LRP1B: variants seen among roughly 807,000 people sequenced by gnomAD.
LRP1B encodes low-density lipoprotein receptor-related protein 1B.
A neutral mutation model predicts 556.6 loss-of-function variants in LRP1B; 217 were observed. The ratio of observed to expected loss-of-function variants is 0.39; its 90% confidence interval spans 0.35 to 0.44. LRP1B has a LOEUF of 0.44. LRP1B is among the 20% of genes least tolerant of loss of function. The pLI is 1.00. For synonymous variants in LRP1B, 2,047 were observed against 1,865.8 expected (o/e 1.10, Z -2.50); for missense variants, 5,053 against 5,620.8 (o/e 0.90, Z 3.23).
chr2:141,112,075 A>T (rs201589203), intron 7 of LRP1B, among the ~76,000 whole-genome samples: 9 of 137,174 alleles, frequency 6.6e-5, no homozygotes, highest in East Asian at 2.2e-4. Context: ...AATAAATAAT[A>T]AATAAATAAA....
rs373203641 is a variant in LRP1B, at chr2:140,493,050, C to T, written c.9035-357G>A. Among the ~76,000 whole-genome samples the T allele has an allele frequency of 5.9e-5, 9 of 152,210 alleles. No homozygotes were observed. The East Asian group carries it at 9.7e-4, about 16-fold the overall frequency. On this transcript the variant is annotated intron_variant, in intron 56 of 90. Transcript: ENST00000389484. ...TCACCTCTCTTAGAAACCTACAGTACAGCTAAAACATTCTTATGATCAGAA... is the reference window on the plus strand; with the variant it reads ...TCACCTCTCTTAGAAACCTACAGTATAGCTAAAACATTCTTATGATCAGAA...
intron 3 of LRP1B, among the ~76,000 whole-genome samples, chr2:141,475,972 C>A (rs1297122681): frequency 6.6e-6 from 1 of 152,142 alleles, no homozygotes; most frequent in Non-Finnish European, 1.5e-5. Flanking sequence ...AAGAGGGCAC[C>A]CAGCTGGTTA....
chr2:141,759,859 T>G (rs1376578687), intron 2 of LRP1B, among the ~76,000 whole-genome samples: 1 of 152,104 alleles, frequency 6.6e-6, no homozygotes, highest in Non-Finnish European at 1.5e-5. Flanking sequence ...TACTTGAATA[T>G]TGGCGAGGCA....
chr2:141,665,446 T>A (rs970540419), intron 2 of LRP1B, among the ~76,000 whole-genome samples: 16 of 152,218 alleles, frequency 1.1e-4, no homozygotes, highest in African/African-American at 3.4e-4. Flanking sequence ...CTGGTGAGTC[T>A]GTGGAGAAGT....
At chr2:141,043,671 T>A (rs1698774906) in intron 11 of LRP1B, among the ~76,000 whole-genome samples, 1 of 151,982 alleles carries the variant, frequency 6.6e-6, no homozygotes, top group Non-Finnish European at 1.5e-5. Flanking sequence ...AATATCTGCA[T>A]TTGAGTAGAA....
chr2:140,919,862 G>A (rs1197475470), intron 21 of LRP1B, among the ~76,000 whole-genome samples: 6 of 152,028 alleles, frequency 3.9e-5, no homozygotes, highest in Non-Finnish European at 8.8e-5. Context: ...TTGTTTTAAT[G>A]ACATTAGAAT....
intron 2 of LRP1B, among the ~76,000 whole-genome samples, chr2:141,706,984 T>C (rs1692166172): frequency 6.6e-6 from 1 of 152,120 alleles, no homozygotes; most frequent in Admixed American, 6.6e-5. Context: ...TTTATTCCTC[T>C]ATCTCCTTAT....
At chr2:141,745,663 G>A (rs1018314492) in intron 2 of LRP1B, among the ~76,000 whole-genome samples, 1 of 151,652 alleles carries the variant, frequency 6.6e-6, no homozygotes, top group Non-Finnish European at 1.5e-5. Flanking sequence ...ATCCTGCTTG[G>A]TGCCCTCCCC....
chr2:140,319,095 C>T (rs1413942935), intron 82 of LRP1B, among the ~76,000 whole-genome samples: 2 of 151,980 alleles, frequency 1.3e-5, no homozygotes, highest in East Asian at 1.9e-4. Flanking sequence ...TAGGTCATGT[C>T]CTTGCAGGGT....
At chr2:141,187,093 C>A in intron 7 of LRP1B, among the ~76,000 whole-genome samples, 1 of 152,074 alleles carries the variant, frequency 6.6e-6, no homozygotes, top group East Asian at 1.9e-4. Context: ...ATTTCCAATT[C>A]TTTCTTACTG....
rs531982508 is a variant in LRP1B at position 141,389,736 on chromosome 2, C to T, written c.343+90660G>A. Among the ~76,000 whole-genome samples, 19 of 152,182 alleles carry T rather than the reference C, an allele frequency of 1.2e-4. No homozygotes were observed. The East Asian group carries it at 3.5e-3, about 28-fold the overall frequency. Reference sequence around the variant, plus strand: ...AGAAAATATTTTCAAATAATATATCCGATAAGGCTCTAGTATACAAAATAT... The same window carrying T: ...AGAAAATATTTTCAAATAATATATCTGATAAGGCTCTAGTATACAAAATAT... On this transcript the variant is annotated intron_variant, in intron 3 of 90. Coordinates refer to ENST00000389484, the MANE Select transcript of LRP1B (RefSeq NM_018557.3).
intron 3 of LRP1B, among the ~76,000 whole-genome samples, chr2:141,459,266 T>G (rs917075924): frequency 6.6e-6 from 1 of 152,154 alleles, no homozygotes; most frequent in African/African-American, 2.4e-5. Flanking sequence ...TGTGTGACCT[T>G]TACAAGGTCA....
At chr2:142,049,526 C>T (rs1056015321) in intron 1 of LRP1B, among the ~76,000 whole-genome samples, 1 of 152,076 alleles carries the variant, frequency 6.6e-6, no homozygotes, top group Admixed American at 6.6e-5. Context: ...AAAGTATGTG[C>T]CAATACTGCG....
At chr2:141,211,963 T>C (rs896057386) in intron 6 of LRP1B, among the ~76,000 whole-genome samples, 2 of 152,112 alleles carry the variant, frequency 1.3e-5, no homozygotes, top group Non-Finnish European at 2.9e-5. Flanking sequence ...CACAAGACTA[T>C]GACTCAGAAA....
intron 1 of LRP1B, among the ~76,000 whole-genome samples, chr2:141,923,425 T>TATATATATATATA (rs1700244729): frequency 5.7e-5 from 1 of 17,646 alleles, no homozygotes; most frequent in Non-Finnish European, 1.3e-4. Context: ...ATATATATAG[T>TATATATATATATA]GACAAAGAGA....
chr2:141,554,017 A>G (rs1685862384), intron 2 of LRP1B, among the ~76,000 whole-genome samples: 1 of 141,074 alleles, frequency 7.1e-6, no homozygotes, highest in Non-Finnish European at 1.5e-5. Context: ...ATATTAATAG[A>G]CAAGATATAG....
chr2:141,090,564 CA>C (rs972119271), intron 7 of LRP1B, among the ~76,000 whole-genome samples: 3 of 152,212 alleles, frequency 2.0e-5, no homozygotes, highest in African/African-American at 7.2e-5. Flanking sequence ...CAACATTCTA[CA>C]TTTCTCTTAT....
intron 2 of LRP1B, among the ~76,000 whole-genome samples, chr2:141,588,991 T>C (rs374659182): frequency 4.6e-5 from 7 of 152,180 alleles, no homozygotes; most frequent in African/African-American, 7.2e-5. Context: ...CAAGTAGACA[T>C]GTTGAAAACA....
chr2:141,367,733 C>G (rs942888206), intron 3 of LRP1B, among the ~76,000 whole-genome samples: 1 of 151,954 alleles, frequency 6.6e-6, no homozygotes, highest in Admixed American at 6.6e-5. Flanking sequence ...CCACCCGCCT[C>G]AGCCTCCCAA....
Sources: gnomAD v4.1 joint callset for allele counts (sites outside exome capture counted in the v4.1 genomes callset) on GRCh38, gnomAD v4.1.1 for gene constraint, MANE v1.5 for transcripts, NCBI Gene and HGNC (gene_info 2026-07-23, HGNC 2026-07-21) for gene names.